Variants in RBFOX2 observed in about 807,000 individuals in gnomAD.
The protein encoded by RBFOX2 is RNA binding protein fox-1 homolog 2.
In RBFOX2, 10 loss-of-function variants were observed where a neutral mutation model predicts 49.1. The observed-to-expected ratio is 0.20, with a 90% confidence interval of 0.13 to 0.35. RBFOX2 has a LOEUF of 0.35. Ranked by LOEUF, RBFOX2 falls within the 10% of genes least tolerant of loss-of-function variation. The pLI, the probability that RBFOX2 is intolerant of heterozygous loss-of-function variation, is 1.00. For synonymous variants in RBFOX2, 183 were observed against 187.4 expected (o/e 0.98, Z 0.19); for missense variants, 323 against 486.9 (o/e 0.66, Z 3.17).
chr22:36,013,245 C>T (rs1252381391), intron 1 of RBFOX2, among the ~76,000 whole-genome samples: 1 of 151,848 alleles, frequency 6.6e-6, no homozygotes, highest in Non-Finnish European at 1.5e-5. Context: ...TGCACTCCAG[C>T]CTGGGTGACA....
chr22:35,832,237 G>C (rs1603352889), intron 1 of RBFOX2, among the ~76,000 whole-genome samples: 1 of 152,046 alleles, frequency 6.6e-6, no homozygotes, highest in African/African-American at 2.4e-5. Flanking sequence ...ACTGGGCATG[G>C]TGACGCACAC....
chr22:35,816,903 TGAAAGCAAA>T (rs1953201524), intron 1 of RBFOX2, among the ~76,000 whole-genome samples: 1 of 152,188 alleles, frequency 6.6e-6, no homozygotes, highest in Non-Finnish European at 1.5e-5. Context: ...CCTTGTTCTT[TGAAAGCAAA>T]GATGACCATA....
chr22:35,987,581 G>A (rs1212573731), intron 1 of RBFOX2, among the ~76,000 whole-genome samples: 1 of 152,146 alleles, frequency 6.6e-6, no homozygotes, highest in African/African-American at 2.4e-5. Flanking sequence ...TCCTTCTACT[G>A]ATAATAAGCA....
chr22:35,903,498 T>C (rs1161596291), intron 1 of RBFOX2, among the ~76,000 whole-genome samples: 1 of 152,088 alleles, frequency 6.6e-6, no homozygotes, highest in East Asian at 1.9e-4. Context: ...TCCATTCCCA[T>C]CACTTCAAAT....
At chr22:35,884,294 G>A (rs775795872) in intron 1 of RBFOX2, among the ~76,000 whole-genome samples, 1 of 152,108 alleles carries the variant, frequency 6.6e-6, no homozygotes, top group Non-Finnish European at 1.5e-5. Context: ...ACCACACCCG[G>A]CCTAGTTATC....
intron 1 of RBFOX2, chr22:35,822,926 T>G: frequency 2.8e-6 from 1 of 355,570 alleles, no homozygotes; most frequent in Non-Finnish European, 5.4e-6. Context: ...CGGGTTCAAG[T>G]GATTCTCCTG....
chr22:36,028,306 G>A (rs375404450), exon 1 of RBFOX2: 2 of 1,525,652 alleles, frequency 1.3e-6, no homozygotes, highest in East Asian at 2.7e-5. Context: ...GGCCGGGATC[G>A]GCTCCGTCTC....
intron 1 of RBFOX2, among the ~76,000 whole-genome samples, chr22:35,921,925 ACTTC>A (rs2149592372): frequency 6.6e-6 from 1 of 152,218 alleles, no homozygotes; most frequent in Admixed American, 6.5e-5. Flanking sequence ...TGACATAGCC[ACTTC>A]CTTCCCTCCC....
At position 35,774,540 on chromosome 22, in the gene RBFOX2, C is replaced by T. The variant is rs118074967; in HGVS notation, c.453+3485G>A. 8.5e-4 allele frequency among the ~76,000 whole-genome samples: 129 copies of T among 152,150 alleles called. 1 individual carries two copies. The East Asian group carries it at 0.025, about 29-fold the overall frequency. The stretch of plus-strand genomic sequence containing the variant: ...ATTAGGGAGTAAAAAGACTAAAATT[C>T]ACATGAAATAATTTAAATATATATG... On this transcript the variant is annotated intron_variant, in intron 4 of 11. Transcript: ENST00000405409.
At chr22:36,009,788 C>G (rs148407196) in intron 1 of RBFOX2, among the ~76,000 whole-genome samples, 1 of 152,214 alleles carries the variant, frequency 6.6e-6, no homozygotes, top group African/African-American at 2.4e-5. Flanking sequence ...CCTGCCACTA[C>G]ACTTTCACAT....
chr22:35,742,981 C>T (rs1010245115), exon 12 of RBFOX2: 1 of 152,688 alleles, frequency 6.5e-6, no homozygotes, highest in Non-Finnish European at 1.5e-5. Context: ...CTCATAAAGG[C>T]TCTGGAAGAT....
At chr22:35,959,222 A>G (rs995940621) in intron 1 of RBFOX2, among the ~76,000 whole-genome samples, 1 of 152,188 alleles carries the variant, frequency 6.6e-6, no homozygotes, top group African/African-American at 2.4e-5. Flanking sequence ...TATTATTTCC[A>G]TTATCAGGTG....
chr22:35,817,102 G>A (rs1953262165), intron 1 of RBFOX2, among the ~76,000 whole-genome samples: 1 of 152,132 alleles, frequency 6.6e-6, no homozygotes, highest in East Asian at 1.9e-4. Flanking sequence ...CAAAATGGGA[G>A]AGAATTATGG....
upstream of RBFOX2, among the ~76,000 whole-genome samples, chr22:35,965,206 C>G (rs773558611): frequency 7.2e-5 from 11 of 152,070 alleles, no homozygotes; most frequent in African/African-American, 2.7e-4. Flanking sequence ...GGAGGGAGAA[C>G]AAAGATTTAC....
upstream of RBFOX2, among the ~76,000 whole-genome samples, chr22:35,939,913 G>A (rs114675947): frequency 4.6e-3 from 702 of 152,292 alleles, 5 homozygotes; most frequent in African/African-American, 0.016. Flanking sequence ...GAAGATGCAC[G>A]TGCACACGAA....
At chr22:36,001,184 TACACACACAC>T (rs57905429) in intron 1 of RBFOX2, among the ~76,000 whole-genome samples, 7,392 of 133,632 alleles carry the variant, frequency 0.055, 524 homozygotes, top group African/African-American at 0.17. Context: ...CCCCAAAACA[TACACACACAC>T]ACACACACAC....
At chr22:35,982,985 C>T (rs552744620) in intron 1 of RBFOX2, among the ~76,000 whole-genome samples, 33 of 152,228 alleles carry the variant, frequency 2.2e-4, no homozygotes, top group African/African-American at 7.5e-4. Context: ...TAGCCTCTTC[C>T]CTTCCTCCCC....
At chr22:35,813,055 C>T (rs1360204641) in intron 1 of RBFOX2, among the ~76,000 whole-genome samples, 2 of 152,080 alleles carry the variant, frequency 1.3e-5, no homozygotes, top group African/African-American at 4.8e-5. Flanking sequence ...TATGTACCTC[C>T]CTTAAGAGGT....
At chr22:35,868,386 G>C (rs1362978406) in intron 1 of RBFOX2, among the ~76,000 whole-genome samples, 1 of 152,164 alleles carries the variant, frequency 6.6e-6, no homozygotes, top group Non-Finnish European at 1.5e-5. Flanking sequence ...CATAGTGCTT[G>C]TTACTTCCCA....
Sources: gnomAD v4.1 joint callset for allele counts (sites outside exome capture counted in the v4.1 genomes callset) on GRCh38, gnomAD v4.1.1 for gene constraint, MANE v1.5 for transcripts, NCBI Gene and HGNC (gene_info 2026-07-23, HGNC 2026-07-21) for gene names.